Variants in GPR158 observed in about 807,000 individuals in gnomAD.
The protein encoded by GPR158 is metabotropic glycine receptor.
In GPR158, 30 loss-of-function variants were observed where a neutral mutation model predicts 78.2. That is an observed-to-expected ratio of 0.38 (90% CI 0.29 to 0.52). The LOEUF is 0.52. Ranked by LOEUF, GPR158 falls within the 20% of genes least tolerant of loss-of-function variation. GPR158 has a pLI of 0.83. For missense variants in GPR158, 1,463 were observed against 1,523.5 expected (o/e 0.96, Z 0.66); for synonymous variants, 581 against 591.1 (o/e 0.98, Z 0.25).
rs541825156 is a variant in GPR158, at chr10:25,498,882, T to TC, written c.1404+32167dup. Among the ~76,000 whole-genome samples, 137 of 152,180 alleles carry TC rather than the reference T, an allele frequency of 9.0e-4. 1 individual carries two copies. The Middle Eastern group carries it at 0.024, about 26-fold the overall frequency. On this transcript the variant is annotated intron_variant, in intron 5 of 10. Coordinates refer to ENST00000376351, the MANE Select transcript of GPR158 (RefSeq NM_020752.3). ...CGGATTTGTGTCAAAAGGCAATATA[T>TC]CCCCTGCATTGAGACTGGAGCGCAA...
chr10:25,387,204 A>G (rs571995261), intron 2 of GPR158, among the ~76,000 whole-genome samples: 37 of 152,252 alleles, frequency 2.4e-4, no homozygotes, highest in Non-Finnish European at 4.9e-4. Flanking sequence ...ATTGTGTCAG[A>G]TGCTTTCTCT....
chr10:25,369,831 T>C (rs1239277193), intron 2 of GPR158, among the ~76,000 whole-genome samples: 1 of 152,162 alleles, frequency 6.6e-6, no homozygotes. Context: ...TATTGATTAT[T>C]GCTACAATTT....
chr10:25,206,086 T>C (rs950513320), intron 1 of GPR158, among the ~76,000 whole-genome samples: 1 of 151,354 alleles, frequency 6.6e-6, no homozygotes, highest in African/African-American at 2.4e-5. Flanking sequence ...CCCAGGTTCA[T>C]GCCATTCTCC....
At chr10:25,589,232 TAGAA>T (rs1288193104) in intron 8 of GPR158, 87 bp downstream of exon 8, 7 of 836,738 alleles carry the variant, frequency 8.4e-6, no homozygotes, top group Non-Finnish European at 1.2e-5. Flanking sequence ...AGATGCATAA[TAGAA>T]AGACTTAGCA....
intron 5 of GPR158, among the ~76,000 whole-genome samples, chr10:25,472,178 T>C (rs1588878664): frequency 6.6e-6 from 1 of 152,260 alleles, no homozygotes; most frequent in South Asian, 2.1e-4. Context: ...GCTTTCTACA[T>C]ATGGCTAGCC....
chr10:25,419,956 A>G (rs965888512), intron 4 of GPR158, among the ~76,000 whole-genome samples: 10 of 152,014 alleles, frequency 6.6e-5, no homozygotes, highest in African/African-American at 2.4e-4. Context: ...TAGTTTTACT[A>G]CTCTAAAAAT....
chr10:25,360,836 T>C (rs1319977397), intron 2 of GPR158, among the ~76,000 whole-genome samples: 2 of 152,232 alleles, frequency 1.3e-5, no homozygotes, highest in Non-Finnish European at 1.5e-5. Flanking sequence ...GCATTGTATC[T>C]ATAAATTACT....
intron 4 of GPR158, among the ~76,000 whole-genome samples, chr10:25,418,672 T>A (rs887980804): frequency 6.7e-6 from 1 of 148,870 alleles, no homozygotes; most frequent in Non-Finnish European, 1.5e-5. Context: ...AGCTTAATAA[T>A]GTCAAGTGTT....
At chr10:25,385,069 A>C in intron 2 of GPR158, among the ~76,000 whole-genome samples, 1 of 152,114 alleles carries the variant, frequency 6.6e-6, no homozygotes, top group African/African-American at 2.4e-5. Flanking sequence ...GAGCTCTAAA[A>C]ATTTTTCATG....
rs1206610701 is a variant in GPR158 at position 25,601,733 on chromosome 10, A to G, written c.*2459A>G. 1 of 152,606 alleles carries G rather than the reference A, an allele frequency of 6.6e-6. No homozygotes were observed. The highest frequency in any genetic ancestry group is 1.5e-5 in the Non-Finnish European group (1 of 68,024). The allele number at this position is 152,606 out of a possible 1,614,324, so 9.5% of individuals were successfully genotyped here. ...ATTTTTCCAGATTGATAACCATAGA[A>G]AGTGAATAAACACTTTTAAGGTCGC... On this transcript the variant is annotated 3_prime_UTR_variant, in exon 11 of 11. Transcript: ENST00000376351.
intron 2 of GPR158, among the ~76,000 whole-genome samples, chr10:25,278,248 A>T (rs900756907): frequency 1.3e-5 from 2 of 152,198 alleles, no homozygotes; most frequent in African/African-American, 4.8e-5. Flanking sequence ...CAAATATGCC[A>T]TGCAGATTTA....
In GPR158 at chr10:25,575,959, T is replaced by G. The variant is rs145166637; in HGVS notation, c.1753+3072T>G. The stretch of plus-strand genomic sequence containing the variant: ...CTCATCTAACATTTTGGGCCCCTCA[T>G]CTCCAGTGGCCACTCTCACTTTATA... On this transcript the variant is annotated intron_variant, in intron 7 of 10. Coordinates refer to ENST00000376351, the MANE Select transcript of GPR158 (RefSeq NM_020752.3). Among the ~76,000 whole-genome samples the G allele has an allele frequency of 2.6e-3, 393 of 152,130 alleles. 1 individual carries two copies. Among genetic ancestry groups the G allele is most frequent in the African/African-American group, 9.0e-3 (373 of 41,476 alleles).
chr10:25,187,201 G>A (rs1013512411), intron 1 of GPR158, among the ~76,000 whole-genome samples: 10 of 151,664 alleles, frequency 6.6e-5, no homozygotes, highest in Non-Finnish European at 1.5e-4. Context: ...TCCTGACCTC[G>A]TGATCCGCCT....
Position 25,338,689 on chromosome 10 carries a change from T to G in GPR158, c.1009-57222T>G, listed in dbSNP as rs373651872. The stretch of plus-strand genomic sequence containing the variant: ...GTATCAATACATCACAGTAGTAGTC[T>G]GTAATTCTGTAAATTCTGAAACTTT... On this transcript the variant is annotated intron_variant, in intron 2 of 10. Transcript: ENST00000376351. Among the ~76,000 whole-genome samples the G allele has an allele frequency of 2.7e-5, 4 of 145,876 alleles. No individual in the cohort carries two copies. In the East Asian group the frequency reaches 7.9e-4, roughly 29 times the overall value.
rs374531359 is a variant in GPR158 at position 25,431,775 on chromosome 10, C to T, written c.1335+19302C>T. 7.3e-4 allele frequency among the ~76,000 whole-genome samples: 111 copies of T among 152,046 alleles called. 1 individual carries two copies. Among genetic ancestry groups the T allele is most frequent in the African/African-American group, 2.5e-3 (102 of 41,466 alleles). On this transcript the variant is annotated intron_variant, in intron 4 of 10. Transcript: ENST00000376351. ...ATCGCAAGAACAAAAAACCAAACAC[C>T]GCATATTCTCACTCATATGTGGGAA...
chr10:25,442,774 G>T (rs531989146), intron 4 of GPR158, among the ~76,000 whole-genome samples: 2 of 151,968 alleles, frequency 1.3e-5, no homozygotes, highest in South Asian at 4.1e-4. Flanking sequence ...GCGTCGAATC[G>T]ATTCTCTTTT....
chr10:25,219,056 A>G (rs896657470), intron 1 of GPR158, among the ~76,000 whole-genome samples: 1 of 152,226 alleles, frequency 6.6e-6, no homozygotes, highest in Non-Finnish European at 1.5e-5. Flanking sequence ...TCCAAGGAGC[A>G]TAAAGTAGAA....
Position 25,261,334 on chromosome 10 carries a change from C to G in GPR158, c.1008+40177C>G, listed in dbSNP as rs147159235. ...CAGATGTTCACATTCCCATAAAACA[C>G]CAGGTTTATAGTACTCCTGACCTAC... On this transcript the variant is annotated intron_variant, in intron 2 of 10. Coordinates refer to ENST00000376351, the MANE Select transcript of GPR158 (RefSeq NM_020752.3). Among the ~76,000 whole-genome samples, 31 of 152,268 alleles carry G rather than the reference C, an allele frequency of 2.0e-4. 1 individual carries two copies. In the East Asian group the frequency reaches 4.6e-3, roughly 23 times the overall value.
At chr10:25,551,724 G>A (rs376026433) in intron 6 of GPR158, among the ~76,000 whole-genome samples, 7 of 152,092 alleles carry the variant, frequency 4.6e-5, no homozygotes, top group South Asian at 2.1e-4. Flanking sequence ...AAATTATTCC[G>A]GGGCGCTCTC....
Sources: gnomAD v4.1 joint callset for allele counts (sites outside exome capture counted in the v4.1 genomes callset) on GRCh38, gnomAD v4.1.1 for gene constraint, MANE v1.5 for transcripts, NCBI Gene and HGNC (gene_info 2026-07-23, HGNC 2026-07-21) for gene names.